Variants in PITPNC1 observed in about 807,000 individuals in gnomAD.
PITPNC1 encodes the protein phosphatidylinositol transfer protein cytoplasmic 1.
A neutral mutation model predicts 44.7 loss-of-function variants in PITPNC1; 18 were observed. The observed-to-expected ratio is 0.40, with a 90% CI of 0.28 to 0.60. The LOEUF (loss-of-function observed/expected upper bound fraction) is 0.60, where lower values mean the gene tolerates loss of function less well. Ranked by LOEUF, PITPNC1 falls within the 20% of genes least tolerant of loss-of-function variation. PITPNC1 has a pLI of 0.39. For missense variants in PITPNC1, 290 were observed against 418.4 expected, an observed-to-expected ratio of 0.69 and a Z score of 2.68; for synonymous variants, 141 against 149.6, an observed-to-expected ratio of 0.94 and a Z score of 0.42.
At chr17:67,643,434 A>G (rs1018792810) in intron 6 of PITPNC1, among the ~76,000 whole-genome samples, 1 of 152,272 alleles carries the variant, frequency 6.6e-6, no homozygotes, top group East Asian at 1.9e-4. Flanking sequence ...CTATCACCCT[A>G]TATCCCAAAA....
At chr17:67,571,847 GT>G (rs1382356966) in intron 4 of PITPNC1, among the ~76,000 whole-genome samples, 2 of 152,178 alleles carry the variant, frequency 1.3e-5, no homozygotes, top group African/African-American at 4.8e-5. Flanking sequence ...ATCAAAAGCT[GT>G]GCTCCCTCTG....
chr17:67,680,614 A>G (rs1222736440), intron 8 of PITPNC1, among the ~76,000 whole-genome samples: 1 of 152,132 alleles, frequency 6.6e-6, no homozygotes, highest in East Asian at 1.9e-4. Context: ...AAAAAAAAAA[A>G]AAATCACAAC....
chr17:67,640,211 G>A (rs1422908260), intron 6 of PITPNC1, among the ~76,000 whole-genome samples: 1 of 152,134 alleles, frequency 6.6e-6, no homozygotes, highest in Non-Finnish European at 1.5e-5. Flanking sequence ...GACATCACTG[G>A]GATGGGGAGA....
chr17:67,542,950 A>C (rs2040628810), intron 2 of PITPNC1, among the ~76,000 whole-genome samples: 1 of 152,236 alleles, frequency 6.6e-6, no homozygotes, highest in South Asian at 2.1e-4. Context: ...GTAAACATCC[A>C]TCTATCGACC....
chr17:67,469,935 T>C (rs1456224445), intron 1 of PITPNC1, among the ~76,000 whole-genome samples: 2 of 152,110 alleles, frequency 1.3e-5, no homozygotes, highest in Non-Finnish European at 2.9e-5. Flanking sequence ...TATATAATTT[T>C]TTTTTGAGAC....
At chr17:67,435,620 A>G (rs1460819504) in intron 1 of PITPNC1, among the ~76,000 whole-genome samples, 1 of 152,196 alleles carries the variant, frequency 6.6e-6, no homozygotes, top group Non-Finnish European at 1.5e-5. Flanking sequence ...TTGGTAGGCC[A>G]AGGTGGGCAG....
intron 6 of PITPNC1, among the ~76,000 whole-genome samples, chr17:67,646,703 T>G (rs2042154011): frequency 6.6e-6 from 1 of 152,120 alleles, no homozygotes; most frequent in Admixed American, 6.6e-5. Context: ...TGTGTGTGTG[T>G]GGGTGTGTCG....
At chr17:67,545,411 C>G (rs1348806404) in intron 2 of PITPNC1, among the ~76,000 whole-genome samples, 1 of 151,604 alleles carries the variant, frequency 6.6e-6, no homozygotes, top group African/African-American at 2.4e-5. Context: ...AACCCTAGCT[C>G]TACTAAAAAT....
chr17:67,692,326 C>G (rs1022091051), intron 8 of PITPNC1, among the ~76,000 whole-genome samples: 4 of 152,152 alleles, frequency 2.6e-5, no homozygotes, highest in Non-Finnish European at 4.4e-5. Context: ...ACTTAAAATA[C>G]TCACTGTGAA....
At position 67,598,231 on chromosome 17, in the gene PITPNC1, G is replaced by A. The variant is rs555575519; in HGVS notation, c.366+19974G>A. On this transcript the variant is annotated intron_variant, in intron 5 of 8. Transcript: ENST00000581322. ...CTCCAGCACTCCAGAGTGAGACTCCGTCTCAAAAAAAGAAAAGAAAAGAAA... is the reference window on the plus strand; with the variant it reads ...CTCCAGCACTCCAGAGTGAGACTCCATCTCAAAAAAAGAAAAGAAAAGAAA... 5.3e-5 allele frequency among the ~76,000 whole-genome samples: 8 copies of A among 152,020 alleles called. 1 individual carries two copies. The Middle Eastern group carries it at 0.01, about 194-fold the overall frequency.
At position 67,471,514 on chromosome 17, in the gene PITPNC1, CTG is replaced by C. The variant is rs199538666; in HGVS notation, c.49-61285_49-61284del. 8.3e-4 allele frequency: 299 copies of C among 361,106 alleles called. 2 individuals carry two copies. The East Asian group carries it at 0.021, about 26-fold the overall frequency. 22.4% of individuals were successfully genotyped at this position (361,106 alleles called of 1,614,324 possible). ...TTTTATTAGGTTGGTGCAAAAGAAACTGTGGTTTTTGCCATTACTTTCAATGG... is the reference window on the plus strand; with the variant it reads ...TTTTATTAGGTTGGTGCAAAAGAAACTGGTTTTTGCCATTACTTTCAATGG... On this transcript the variant is annotated intron_variant, in intron 1 of 8. Coordinates refer to ENST00000581322, the MANE Select transcript of PITPNC1 (RefSeq NM_012417.4).
At chr17:67,526,732 C>CA (rs34938426) in intron 1 of PITPNC1, among the ~76,000 whole-genome samples, 390 of 117,648 alleles carry the variant, frequency 3.3e-3, no homozygotes, top group Middle Eastern at 0.021. Context: ...GACTCCATCT[C>CA]AAAAAAAAAA....
At chr17:67,468,209 T>C (rs1598706463) in intron 1 of PITPNC1, among the ~76,000 whole-genome samples, 1 of 152,210 alleles carries the variant, frequency 6.6e-6, no homozygotes, top group East Asian at 1.9e-4. Context: ...AACCACCAGC[T>C]GATGAAGATA....
chr17:67,454,263 AAC>A (rs1406890665), intron 1 of PITPNC1, among the ~76,000 whole-genome samples: 1 of 151,620 alleles, frequency 6.6e-6, no homozygotes, highest in African/African-American at 2.4e-5. Flanking sequence ...AAAAAAAAAA[AAC>A]AAAACCCAAA....
rs768535868 is a variant in PITPNC1 at position 67,472,224 on chromosome 17, T to C, written c.49-60578T>C. Among the ~76,000 whole-genome samples, 18 of 151,148 alleles carry C rather than the reference T, an allele frequency of 1.2e-4. No individual in the cohort carries two copies. In the Middle Eastern group the frequency reaches 0.01, roughly 86 times the overall value. On this transcript the variant is annotated intron_variant, in intron 1 of 8. Coordinates refer to ENST00000581322, the MANE Select transcript of PITPNC1 (RefSeq NM_012417.4). ...AAGCTGCTAATTTCCCTTTCCATAC[T>C]CTGTTCCAGGGGTGTCCAATCTTTT...
intron 1 of PITPNC1, 87 bp from the exon 2 acceptor site, chr17:67,532,715 A>C: frequency 1.9e-6 from 2 of 1,058,204 alleles, no homozygotes; most frequent in Admixed American, 2.2e-5. Context: ...TGCTGATGTT[A>C]TTAGTGGCTT....
chr17:67,433,976 G>T (rs1324625264), intron 1 of PITPNC1, among the ~76,000 whole-genome samples: 2 of 152,126 alleles, frequency 1.3e-5, no homozygotes, highest in South Asian at 2.1e-4. Context: ...TGGATGGGAG[G>T]GTGGTCAGGA....
intron 1 of PITPNC1, among the ~76,000 whole-genome samples, chr17:67,384,619 GT>G (rs1018456818): frequency 7.2e-5 from 11 of 152,076 alleles, no homozygotes; most frequent in African/African-American, 2.7e-4. Context: ...TAGAGACGGG[GT>G]TTCACCCTTT....
chr17:67,408,673 TCTTTCTTCCTTCCTTC>T (rs200193990), intron 1 of PITPNC1: 5,633 of 130,844 alleles, frequency 0.043, 217 homozygotes, highest in Admixed American at 0.1. Flanking sequence ...GCTTGCTTTC[TCTTTCTTCCTTCCTTC>T]CTTCCTTCCT....
Sources: allele counts gnomAD v4.1 joint callset (sites outside exome capture counted in the v4.1 genomes callset), GRCh38; gene constraint gnomAD v4.1.1; transcripts MANE v1.5; gene names NCBI Gene and HGNC (gene_info 2026-07-23, HGNC 2026-07-21).